ITGB8: variants seen among roughly 807,000 people sequenced by gnomAD.
ITGB8 encodes the protein integrin beta-8.
Under a neutral mutation model 89.5 loss-of-function variants are expected in ITGB8, and 30 were observed. That is an observed-to-expected ratio of 0.34 (90% CI 0.25 to 0.45). The LOEUF (loss-of-function observed/expected upper bound fraction) is 0.45. Among genes scored for constraint, ITGB8 ranks in the 20% least tolerant of loss-of-function variants. ITGB8 has a pLI of 1.00. For synonymous variants in ITGB8, 335 were observed against 320.4 expected (o/e 1.05, Z -0.49); for missense variants, 836 against 933.3 (o/e 0.90, Z 1.36).
intron 2 of ITGB8, 65 bp from the exon 3 acceptor site, chr7:20,366,947 G>T: frequency 9.1e-7 from 1 of 1,100,828 alleles, no homozygotes. Flanking sequence ...TATTTGCTAT[G>T]TCATTTTCTT....
chr7:20,369,425 GAA>G (rs1008966135), intron 3 of ITGB8, among the ~76,000 whole-genome samples: 1 of 152,186 alleles, frequency 6.6e-6, no homozygotes, highest in Non-Finnish European at 1.5e-5. Context: ...AGGGCAGAGA[GAA>G]AGTGATCAAG....
chr7:20,350,388 T>C (rs1191146699), intron 1 of ITGB8, among the ~76,000 whole-genome samples: 1 of 152,208 alleles, frequency 6.6e-6, no homozygotes, highest in East Asian at 1.9e-4. Flanking sequence ...CCTCAGGTGA[T>C]CTGCCCGCCT....
intron 4 of ITGB8, chr7:20,380,403 C>A (rs973870435): frequency 1.3e-4 from 46 of 353,710 alleles, no homozygotes; most frequent in African/African-American, 7.0e-4. Flanking sequence ...AAGCCTTTAA[C>A]TGTCCTATAT....
intron 10 of ITGB8, among the ~76,000 whole-genome samples, chr7:20,403,240 A>T (rs3807954): frequency 0.088 from 13,430 of 152,244 alleles, 668 homozygotes; most frequent in East Asian, 0.19. Context: ...CTTTAGAATG[A>T]AGCAGCAGTT....
chr7:20,388,752 C>T (rs1490836427), intron 6 of ITGB8, among the ~76,000 whole-genome samples: 1 of 151,732 alleles, frequency 6.6e-6, no homozygotes, highest in East Asian at 1.9e-4. Context: ...CCATCATCTA[C>T]ATTAGGTATT....
At chr7:20,379,560 C>T in intron 4 of ITGB8, 1 of 165,618 alleles carries the variant, frequency 6.0e-6, no homozygotes, top group Non-Finnish European at 1.3e-5. Flanking sequence ...AAAACCCTAC[C>T]TAATGTTAGT....
chr7:20,356,955 G>T (rs1785316013), intron 1 of ITGB8, among the ~76,000 whole-genome samples: 1 of 152,108 alleles, frequency 6.6e-6, no homozygotes, highest in South Asian at 2.1e-4. Flanking sequence ...TAATATGAAT[G>T]AATGGCATCA....
chr7:20,332,593 A>G (rs1458583575), intron 1 of ITGB8, among the ~76,000 whole-genome samples: 1 of 152,230 alleles, frequency 6.6e-6, no homozygotes, highest in Non-Finnish European at 1.5e-5. Context: ...CTTTCTGTCC[A>G]GGCAAACCAT....
chr7:20,350,802 A>G (rs1785089406), intron 1 of ITGB8, among the ~76,000 whole-genome samples: 1 of 152,176 alleles, frequency 6.6e-6, no homozygotes, highest in African/African-American at 2.4e-5. Flanking sequence ...GCAACTCCGA[A>G]CACCACTTCC....
At chr7:20,378,809 A>C (rs975922465) in intron 3 of ITGB8, among the ~76,000 whole-genome samples, 1 of 152,158 alleles carries the variant, frequency 6.6e-6, no homozygotes, top group Non-Finnish European at 1.5e-5. Context: ...AGCCTATAGA[A>C]TTGTGGGAAA....
Position 20,394,973 on chromosome 7 carries a change from G to T in ITGB8, c.1134G>T (p.Val378=), listed in dbSNP as rs1583531320. Residue 378 remains valine, a synonymous_variant, in exon 8 of 14, where the codon GTG becomes GTT. Transcript: ENST00000222573. ...CTGCAAACCTCAATAATTTGGTAGTGGAAGCCTATCAGGTATGTATATATT... is the reference window on the plus strand; with the variant it reads ...CTGCAAACCTCAATAATTTGGTAGTTGAAGCCTATCAGGTATGTATATATT... ...SKAANLNNLV[V]EAYQKLISEV... The T allele has an allele frequency of 1.2e-6, 2 of 1,605,252 alleles. No individual in the cohort carries two copies.
intron 1 of ITGB8, among the ~76,000 whole-genome samples, chr7:20,357,020 T>C (rs1376221626): frequency 6.6e-6 from 1 of 152,218 alleles, no homozygotes; most frequent in Non-Finnish European, 1.5e-5. Context: ...TCCTGACTTT[T>C]GTGTACTCTA....
At chr7:20,339,285 T>G (rs1255924751) in intron 1 of ITGB8, among the ~76,000 whole-genome samples, 1 of 152,088 alleles carries the variant, frequency 6.6e-6, no homozygotes, top group Non-Finnish European at 1.5e-5. Context: ...TATTTGATAT[T>G]TAATATCTAT....
At chr7:20,379,354 T>G in intron 4 of ITGB8, 57 bp downstream of exon 4, 1 of 1,253,930 alleles carries the variant, frequency 8.0e-7, no homozygotes, top group Non-Finnish European at 1.1e-6. Context: ...AAAATCTCAC[T>G]TTGTTTTTAA....
At chr7:20,343,603 C>G (rs1784832701) in intron 1 of ITGB8, among the ~76,000 whole-genome samples, 1 of 152,152 alleles carries the variant, frequency 6.6e-6, no homozygotes. Context: ...GATGGAGAAG[C>G]CATCAAAATT....
At chr7:20,349,211 A>C (rs1785030999) in intron 1 of ITGB8, among the ~76,000 whole-genome samples, 1 of 152,098 alleles carries the variant, frequency 6.6e-6, no homozygotes, top group African/African-American at 2.4e-5. Flanking sequence ...AGAAAAGACA[A>C]ATATTTAGTG....
intron 1 of ITGB8, among the ~76,000 whole-genome samples, chr7:20,337,860 C>A (rs1349457253): frequency 6.6e-6 from 1 of 152,214 alleles, no homozygotes. Flanking sequence ...CTCCAGAATT[C>A]TTAGCCTAAA....
intron 1 of ITGB8, among the ~76,000 whole-genome samples, chr7:20,360,546 A>T (rs542186990): frequency 6.6e-6 from 1 of 151,958 alleles, no homozygotes; most frequent in African/African-American, 2.4e-5. Context: ...ACCATTTTGT[A>T]TGTCTTTGGG....
chr7:20,409,924 G>C lies in ITGB8; in HGVS notation c.2237G>C (p.Arg746Pro). Residue 746 changes from arginine (R) to proline (P), a missense_variant, in exon 14 of 14, where the codon CGT becomes CCT. By Grantham distance (103) the Arg-to-Pro change is moderately radical (BLOSUM62 -2). This residue lies in a region of ITGB8 where 422 missense variants were observed against 416.9 expected (regional missense o/e 1.01). Coordinates refer to ENST00000222573, the MANE Select transcript of ITGB8 (RefSeq NM_002214.3). ...SVCTRAVTYR[R>P]EKPEEIKMDI... ...TGCACAAGAGCAGTCACCTACCGAC[G>C]TGAGAAGCCTGAAGAAATAAAAATG... 1 of 1,613,614 alleles carries C rather than the reference G, an allele frequency of 6.2e-7. No individual in the cohort carries two copies. The highest frequency in any genetic ancestry group is 8.5e-7 in the Non-Finnish European group (1 of 1,179,718).
Sources: gnomAD v4.1 joint callset for allele counts (sites outside exome capture counted in the v4.1 genomes callset) on GRCh38, gnomAD v4.1.1 for gene constraint, gnomAD v4.1.1 regional missense constraint, MANE v1.5 for transcripts, NCBI Gene and HGNC (gene_info 2026-07-23, HGNC 2026-07-21) for gene names.